The following AP1G1 variants were observed in gnomAD, a reference collection of about 807,000 sequenced individuals.
AP1G1 encodes adaptor related protein complex 1 subunit gamma 1.
A neutral mutation model predicts 108.3 loss-of-function variants in AP1G1; 7 were observed. The observed-to-expected ratio is 0.06, with a 90% confidence interval of 0.04 to 0.12. The LOEUF is 0.12. AP1G1 is among the 10% of genes least tolerant of loss of function. AP1G1 has a pLI of 1.00. For missense variants in AP1G1, 756 were observed against 1,010.7 expected, an observed-to-expected ratio of 0.75 and a Z score of 3.42; for synonymous variants, 379 against 353.5, an observed-to-expected ratio of 1.07 and a Z score of -0.81.
intron 13 of AP1G1, 110 bp from the exon 14 acceptor site, chr16:71,750,442 T>G: frequency 1.5e-6 from 2 of 1,323,664 alleles, no homozygotes; most frequent in Non-Finnish European, 2.1e-6. Context: ...TGAGACAGAG[T>G]CTCGCTCTGT....
intron 13 of AP1G1, among the ~76,000 whole-genome samples, chr16:71,751,676 G>C (rs2030515828): frequency 6.6e-6 from 1 of 152,072 alleles, no homozygotes; most frequent in South Asian, 2.1e-4. Context: ...TGATCTAATG[G>C]GTTTGTATAA....
chr16:71,748,101 C>T, intron 16 of AP1G1, 150 bp downstream of exon 16: 1 of 782,566 alleles, frequency 1.3e-6, no homozygotes, highest in Non-Finnish European at 2.0e-6. Flanking sequence ...ATCACTGTGA[C>T]TGTGGAGAAA....
At chr16:71,796,201 T>G (rs2032579821) in intron 1 of AP1G1, among the ~76,000 whole-genome samples, 1 of 152,152 alleles carries the variant, frequency 6.6e-6, no homozygotes, top group East Asian at 1.9e-4. Context: ...ATCGAATCAC[T>G]GCACTCCAGC....
At chr16:71,765,397 T>C in intron 7 of AP1G1, 92 bp downstream of exon 7, 1 of 831,010 alleles carries the variant, frequency 1.2e-6, no homozygotes, top group South Asian at 1.7e-5. Flanking sequence ...CTACCAAATT[T>C]CTACTCAACA....
intron 9 of AP1G1, among the ~76,000 whole-genome samples, 188 bp from the exon 10 acceptor site, chr16:71,761,755 G>A (rs1234016539): frequency 7.0e-6 from 1 of 142,904 alleles, no homozygotes; most frequent in African/African-American, 2.6e-5. Context: ...GGATCGCCAG[G>A]TCAGTGAGTC....
chr16:71,791,617 T>A (rs117346499), intron 1 of AP1G1, among the ~76,000 whole-genome samples: 111 of 148,564 alleles, frequency 7.5e-4, no homozygotes, highest in Non-Finnish European at 1.4e-3. Context: ...CCCTAGAGGC[T>A]GAGGCTGCAG....
chr16:71,755,888 C>T, intron 12 of AP1G1, 131 bp downstream of exon 12: 4 of 932,910 alleles, frequency 4.3e-6, no homozygotes, highest in Non-Finnish European at 6.4e-6. Flanking sequence ...TCATGATCCA[C>T]CTGCCTTGGC....
At chr16:71,794,866 C>CTTTTTTTTTTGT (rs2032528877) in intron 1 of AP1G1, among the ~76,000 whole-genome samples, 2 of 46,632 alleles carry the variant, frequency 4.3e-5, no homozygotes, top group Non-Finnish European at 4.1e-5. Flanking sequence ...TTTTTTTTTA[C>CTTTTTTTTTTGT]TTTGAAATGC....
intron 2 of AP1G1, among the ~76,000 whole-genome samples, chr16:71,776,714 T>C (rs989241705): frequency 1.8e-4 from 28 of 152,204 alleles, no homozygotes; most frequent in African/African-American, 6.5e-4. Context: ...TTATTAGGAA[T>C]AGGACATACT....
chr16:71,742,087 T>C (rs2029895308), intron 19 of AP1G1, among the ~76,000 whole-genome samples: 1 of 152,118 alleles, frequency 6.6e-6, no homozygotes, highest in African/African-American at 2.4e-5. Context: ...AAAACATCTT[T>C]AAAACACATT....
At chr16:71,799,785 G>C (rs978607794) in intron 1 of AP1G1, among the ~76,000 whole-genome samples, 4 of 151,932 alleles carry the variant, frequency 2.6e-5, no homozygotes, top group Admixed American at 2.6e-4. Context: ...TGCAGTCCCA[G>C]CTACTCGGGA....
rs1292179640 is a variant in AP1G1, at chr16:71,764,741, A to G, written c.739-15T>C. The G allele has an allele frequency of 6.4e-7, 1 of 1,562,708 alleles. No homozygotes were observed. Among genetic ancestry groups the G allele is most frequent in the Non-Finnish European group, 8.7e-7 (1 of 1,144,658 alleles). ...AAAATTCGTACCTAACGTGCAAAAG[A>G]TGAGAGGTGTCAACAAATTATGTCT... On this transcript the variant is annotated splice_polypyrimidine_tract_variant and intron_variant, in intron 7 of 22. Transcript: ENST00000299980.
At chr16:71,790,937 C>A (rs538782453) in intron 1 of AP1G1, among the ~76,000 whole-genome samples, 2 of 152,222 alleles carry the variant, frequency 1.3e-5, no homozygotes, top group East Asian at 3.9e-4. Flanking sequence ...ATAGGACACA[C>A]CAGCTGGGCA....
At chr16:71,736,551 ATTATTTATTTATTTATTTATTTAT>A (rs369844976) in intron 21 of AP1G1, among the ~76,000 whole-genome samples, 5 of 105,904 alleles carry the variant, frequency 4.7e-5, no homozygotes, top group Admixed American at 2.1e-4. Flanking sequence ...CGGCTAATTT[ATTATTTATTTATTTATTTATTTAT>A]TTATTTATTT....
intron 2 of AP1G1, among the ~76,000 whole-genome samples, chr16:71,778,840 A>G (rs2031890974): frequency 6.6e-6 from 1 of 152,212 alleles, no homozygotes; most frequent in African/African-American, 2.4e-5. Context: ...CAAATCTCCA[A>G]AAGCAAAACT....
chr16:71,756,305 A>C, intron 11 of AP1G1, 146 bp from the exon 12 acceptor site: 1 of 614,780 alleles, frequency 1.6e-6, no homozygotes. Flanking sequence ...TTGCACACGA[A>C]ATAACCAAGG....
chr16:71,796,106 G>A (rs1164427717), intron 1 of AP1G1, among the ~76,000 whole-genome samples: 1 of 152,126 alleles, frequency 6.6e-6, no homozygotes, highest in Non-Finnish European at 1.5e-5. Context: ...GAGTGGTGGC[G>A]CATGCGTCTG....
intron 1 of AP1G1, among the ~76,000 whole-genome samples, chr16:71,799,933 T>C (rs980879628): frequency 7.0e-5 from 9 of 128,784 alleles, no homozygotes; most frequent in Non-Finnish European, 1.5e-4. Flanking sequence ...AATAAAAAAT[T>C]ATATTGGCTG....
At chr16:71,795,732 A>G (rs1266667397) in intron 1 of AP1G1, among the ~76,000 whole-genome samples, 1 of 152,222 alleles carries the variant, frequency 6.6e-6, no homozygotes, top group Non-Finnish European at 1.5e-5. Context: ...ACTTTACAAT[A>G]CATCTTATTC....
Sources: allele counts gnomAD v4.1 joint callset (sites outside exome capture counted in the v4.1 genomes callset), GRCh38; gene constraint gnomAD v4.1.1; transcripts MANE v1.5; gene names NCBI Gene and HGNC (gene_info 2026-07-23, HGNC 2026-07-21).